Variants in PCM1 observed in about 807,000 individuals in gnomAD.
PCM1 encodes the protein pericentriolar material 1, also known as pericentriolar material 1 protein.
Under a neutral mutation model 241.9 loss-of-function variants are expected in PCM1, and 157 were observed. The ratio of observed to expected loss-of-function variants is 0.65; its 90% confidence interval spans 0.57 to 0.74. The LOEUF (loss-of-function observed/expected upper bound fraction) is 0.74, where lower values mean the gene tolerates loss of function less well. Among genes scored for constraint, PCM1 ranks in the 30% least tolerant of loss-of-function variants. The probability of loss-of-function intolerance (pLI) is 0.00; values close to 1 mark genes in which losing one functional copy is unlikely to be tolerated. For missense variants in PCM1, 3,478 were observed against 2,360.1 expected (o/e 1.47, Z -9.81); for synonymous variants, 1,085 against 784.9 (o/e 1.38, Z -6.39).
chr8:18,028,240 T>C lies in PCM1; in HGVS notation c.*578T>C, dbSNP rs930030438. 5.9e-5 allele frequency: 11 copies of C among 187,818 alleles called. No individual in the cohort carries two copies. The highest frequency in any genetic ancestry group is 2.0e-3 in the Middle Eastern group (1 of 508). 11.6% of individuals were successfully genotyped at this position (187,818 alleles called of 1,614,324 possible). ...ATCCAGGATACCTATGAAGTTATTA[T>C]AGAATATTTATTAATCCATTGAAAT... On this transcript the variant is annotated 3_prime_UTR_variant, in exon 39 of 39. Coordinates refer to ENST00000325083, the MANE Select transcript of PCM1 (RefSeq NM_006197.4).
In PCM1 at chr8:17,939,954, ACATAT is replaced by A. The variant is rs1325291656; in HGVS notation, c.783+94_783+98del. ...TTCTGATGCCACCCCAGAGGAGTTA[ACATAT>A]TTTCAAAAAATCATGCCATCCATTA... On this transcript the variant is annotated intron_variant, in intron 6 of 38. Coordinates refer to ENST00000325083, the MANE Select transcript of PCM1 (RefSeq NM_006197.4). 2.1e-5 allele frequency: 24 copies of A among 1,134,474 alleles called. No homozygotes were observed. In the African/African-American group the frequency reaches 3.2e-4, roughly 15 times the overall value. 70.3% of individuals were successfully genotyped at this position (1,134,474 alleles called of 1,614,324 possible). A position where few individuals can be genotyped will look rare whatever the true frequency, so the allele number is the denominator to read the frequency against.
chr8:17,968,730 ATGTGTGTG>A (rs551909289), intron 21 of PCM1, among the ~76,000 whole-genome samples: 25 of 134,710 alleles, frequency 1.9e-4, no homozygotes, highest in South Asian at 2.4e-4. Flanking sequence ...GGATGTATAT[ATGTGTGTG>A]TGTGTGTGTG....
At chr8:18,014,463 TTTC>T (rs1193944221) in intron 35 of PCM1, 118 bp from the exon 36 acceptor site, 9 of 755,590 alleles carry the variant, frequency 1.2e-5, no homozygotes, top group Non-Finnish European at 1.1e-5. Flanking sequence ...GTAGTTGCCT[TTTC>T]TTTTTGGTCT....
rs147479448 is a variant in PCM1, at chr8:18,011,308, A to C, written c.5292A>C (p.Arg1764Ser). The C allele has an allele frequency of 6.8e-3, 10,991 of 1,607,596 alleles. 58 individuals are homozygous for C. Among genetic ancestry groups the C allele is most frequent in the Non-Finnish European group, 8.5e-3 (10,016 of 1,177,188 alleles). Reference sequence around the variant, plus strand: ...TGTATGATGGTCCCAAAAATGTAAGATCTGATATTTCTGATCAAGAGGAAG... The same window carrying C: ...TGTATGATGGTCCCAAAAATGTAAGCTCTGATATTTCTGATCAAGAGGAAG... ...SEVYDGPKNV[R>S]SDISDQEEDE... The change falls in exon 33 of 39, where the codon AGA becomes AGC. Residue 1764 changes from arginine (R) to serine (S), a missense_variant. By Grantham distance (110) the Arg-to-Ser change is moderately radical. Transcript: ENST00000325083.
chr8:18,003,750 C>A (rs1381184082), intron 29 of PCM1, among the ~76,000 whole-genome samples: 1 of 151,960 alleles, frequency 6.6e-6, no homozygotes, highest in Admixed American at 6.6e-5. Flanking sequence ...TTTCCTGTTA[C>A]TTATAAATAT....
At chr8:17,961,473 G>A (rs1024618643) in intron 15 of PCM1, among the ~76,000 whole-genome samples, 1 of 151,946 alleles carries the variant, frequency 6.6e-6, no homozygotes, top group African/African-American at 2.4e-5. Flanking sequence ...ACCACGCCCG[G>A]CTAATTTTTT....
rs761444418 is a variant in PCM1 at position 17,957,704 on chromosome 8, C to A, written c.1969C>A (p.Gln657Lys). 21 of 1,613,060 alleles carry A rather than the reference C, an allele frequency of 1.3e-5. 1 individual carries two copies. The African/African-American group carries it at 2.8e-4, about 22-fold the overall frequency. ...GCATCCAGAAGATGCTGAATTTGAACAGAAGATCAACCGACTTATGGCTGC... is the reference window on the plus strand; with the variant it reads ...GCATCCAGAAGATGCTGAATTTGAAAAGAAGATCAACCGACTTATGGCTGC... ...DEHPEDAEFE[Q>K]KINRLMAAKQ... The change falls in exon 13 of 39, where the codon CAG (glutamine) becomes AAG (lysine). Residue 657 changes from glutamine (Q) to lysine (K), a missense_variant. Physicochemically the swap from Gln to Lys is moderately conservative, Grantham distance 53. Coordinates refer to ENST00000325083, the MANE Select transcript of PCM1 (RefSeq NM_006197.4).
intron 3 of PCM1, 36 bp from the exon 4 acceptor site, chr8:17,937,098 C>G: frequency 1.3e-6 from 2 of 1,498,876 alleles, no homozygotes; most frequent in Non-Finnish European, 1.8e-6. Flanking sequence ...TGGTTTGATA[C>G]AGGCCATGTT....
intron 34 of PCM1, 81 bp from the exon 35 acceptor site, chr8:18,013,883 A>C: frequency 1.2e-6 from 1 of 817,332 alleles, no homozygotes; most frequent in Non-Finnish European, 1.9e-6. Flanking sequence ...TGGGTTGGAC[A>C]AAAACTACAC....
At chr8:18,005,375 A>T (rs1369525414) in intron 29 of PCM1, among the ~76,000 whole-genome samples, 1 of 150,246 alleles carries the variant, frequency 6.7e-6, no homozygotes, top group Non-Finnish European at 1.5e-5. Context: ...TTTTTTTTAA[A>T]TCGCCTGTCT....
chr8:17,969,471 T>G, intron 21 of PCM1, 106 bp from the exon 22 acceptor site: 1 of 821,396 alleles, frequency 1.2e-6, no homozygotes, highest in Non-Finnish European at 1.9e-6. Context: ...AGTTTTTTGT[T>G]TTGGTGGATT....
chr8:17,938,633 C>T (rs888647386), intron 4 of PCM1, 107 bp from the exon 5 acceptor site: 1 of 729,862 alleles, frequency 1.4e-6, no homozygotes, highest in Non-Finnish European at 2.3e-6. Flanking sequence ...TCTTTGTGTG[C>T]ACCTTCTGAA....
chr8:17,946,871 GTCCA>G (rs779967709), intron 6 of PCM1, among the ~76,000 whole-genome samples: 15 of 148,670 alleles, frequency 1.0e-4, no homozygotes, highest in Non-Finnish European at 1.8e-4. Flanking sequence ...GTGTGTGTGT[GTCCA>G]TGTGTCCGTG....
intron 2 of PCM1, among the ~76,000 whole-genome samples, chr8:17,932,376 T>C (rs548127868): frequency 5.0e-4 from 76 of 152,310 alleles, no homozygotes; most frequent in African/African-American, 1.8e-3. Context: ...AGAAATGTTA[T>C]ACTGGTTTAT....
chr8:18,012,050 G>T (rs1384182352), intron 34 of PCM1, among the ~76,000 whole-genome samples: 1 of 152,108 alleles, frequency 6.6e-6, no homozygotes, highest in Non-Finnish European at 1.5e-5. Context: ...GAGTGCAGTG[G>T]TGTAATTGTA....
chr8:18,019,238 A>C (rs1022814344), intron 36 of PCM1, among the ~76,000 whole-genome samples: 1 of 152,118 alleles, frequency 6.6e-6, no homozygotes, highest in African/African-American at 2.4e-5. Context: ...TAGAAATTGT[A>C]TTCTGTCTAT....
intron 2 of PCM1, among the ~76,000 whole-genome samples, chr8:17,935,332 A>G (rs1470902195): frequency 6.6e-6 from 1 of 152,178 alleles, no homozygotes; most frequent in Non-Finnish European, 1.5e-5. Context: ...GTAATCTTCA[A>G]GCATGCAGAC....
At chr8:17,961,912 G>C in intron 15 of PCM1, 122 bp from the exon 16 acceptor site, 1 of 688,324 alleles carries the variant, frequency 1.5e-6, no homozygotes, top group Non-Finnish European at 2.3e-6. Context: ...ATGGAAGTCA[G>C]GGTCTGATAG....
At chr8:17,977,465 T>C (rs1404904925) in intron 23 of PCM1, among the ~76,000 whole-genome samples, 1 of 152,204 alleles carries the variant, frequency 6.6e-6, no homozygotes, top group Non-Finnish European at 1.5e-5. Context: ...TTGTTGTTAG[T>C]AGACCTGTGC....
Sources: allele counts gnomAD v4.1 joint callset (sites outside exome capture counted in the v4.1 genomes callset), GRCh38; gene constraint gnomAD v4.1.1; transcripts MANE v1.5; gene names NCBI Gene and HGNC (gene_info 2026-07-23, HGNC 2026-07-21).